The following DCDC1 variants were observed in gnomAD, a reference collection of about 807,000 sequenced individuals.
DCDC1 encodes doublecortin domain-containing protein 1.
A neutral mutation model predicts 178.3 loss-of-function variants in DCDC1; 200 were observed. The observed-to-expected ratio is 1.12, with a 90% CI of 1.00 to 1.26. The LOEUF is 1.26. DCDC1 is among the 50% of genes most tolerant of loss of function. DCDC1 has a pLI of 0.00. For synonymous variants in DCDC1, 690 were observed against 604.8 expected, an observed-to-expected ratio of 1.14 and a Z score of -2.07; for missense variants, 1,983 against 1,749.2, an observed-to-expected ratio of 1.13 and a Z score of -2.38.
At chr11:31,238,662 G>T (rs1046156898) in intron 9 of DCDC1, among the ~76,000 whole-genome samples, 5 of 152,052 alleles carry the variant, frequency 3.3e-5, no homozygotes, top group African/African-American at 9.7e-5. Flanking sequence ...CGGCCCTGTC[G>T]CTGAAAGTGT....
At chr11:31,158,547 G>A (rs1168897748) in intron 9 of DCDC1, among the ~76,000 whole-genome samples, 1 of 152,044 alleles carries the variant, frequency 6.6e-6, no homozygotes, top group African/African-American at 2.4e-5. Flanking sequence ...ACCAGCCACT[G>A]GCAACCATCA....
chr11:31,223,643 CAATAA>C (rs1476661775), intron 9 of DCDC1, among the ~76,000 whole-genome samples: 2 of 151,966 alleles, frequency 1.3e-5, no homozygotes, highest in Non-Finnish European at 2.9e-5. Context: ...TATGTTCATA[CAATAA>C]AATGAATAAA....
At chr11:31,132,756 C>G (rs999897099) in intron 10 of DCDC1, among the ~76,000 whole-genome samples, 6 of 152,102 alleles carry the variant, frequency 3.9e-5, no homozygotes, top group Admixed American at 2.6e-4. Flanking sequence ...AAAAAATGCA[C>G]CATCTCATTG....
intron 14 of DCDC1, 31 bp from the exon 15 acceptor site, chr11:31,102,313 AT>A: frequency 1.5e-6 from 1 of 647,676 alleles, no homozygotes; most frequent in Non-Finnish European, 2.9e-6. Flanking sequence ...AATTATTTTT[AT>A]TAGAATAATA....
At chr11:30,910,338 G>T (rs1469628650) in intron 28 of DCDC1, among the ~76,000 whole-genome samples, 1 of 152,060 alleles carries the variant, frequency 6.6e-6, no homozygotes, top group Admixed American at 6.5e-5. Flanking sequence ...ATCTCACTGT[G>T]GTCTGTGCTG....
At chr11:31,367,498 T>C (rs940562337) in intron 1 of DCDC1, among the ~76,000 whole-genome samples, 2 of 152,148 alleles carry the variant, frequency 1.3e-5, no homozygotes, top group Non-Finnish European at 2.9e-5. Flanking sequence ...ATGGAGATAA[T>C]AGGGGAGGTT....
rs138884515 is a variant in DCDC1, at chr11:30,939,382, C to T, written c.2716-7430G>A. On this transcript the variant is annotated intron_variant, in intron 21 of 38. Coordinates refer to ENST00000684477, the MANE Select transcript of DCDC1 (RefSeq NM_001387274.1). ...CCAGGTTGTGAGAAACACACTCACCCGTCCAAACCCAAAGAATGGACTTAG... is the reference window on the plus strand; with the variant it reads ...CCAGGTTGTGAGAAACACACTCACCTGTCCAAACCCAAAGAATGGACTTAG... Among the ~76,000 whole-genome samples the T allele has an allele frequency of 1.9e-3, 293 of 152,288 alleles. 3 individuals are homozygous for T. Among genetic ancestry groups the T allele is most frequent in the African/African-American group, 6.9e-3 (286 of 41,566 alleles).
chr11:31,347,293 C>CA (rs1950864203), intron 1 of DCDC1, among the ~76,000 whole-genome samples: 1 of 152,118 alleles, frequency 6.6e-6, no homozygotes, highest in Admixed American at 6.5e-5. Flanking sequence ...TTAAGACTGC[C>CA]ATAGAATCAC....
intron 8 of DCDC1, among the ~76,000 whole-genome samples, chr11:31,255,421 G>C (rs1944347061): frequency 6.6e-6 from 1 of 152,104 alleles, no homozygotes; most frequent in Admixed American, 6.5e-5. Context: ...CACAAGCAAT[G>C]TGTGAGGGTT....
intron 9 of DCDC1, among the ~76,000 whole-genome samples, chr11:31,213,231 C>G (rs1319433450): frequency 6.7e-6 from 1 of 148,462 alleles, no homozygotes; most frequent in African/African-American, 2.5e-5. Context: ...TCACTTCACC[C>G]CAGTCTGGTT....
At chr11:30,945,023 C>T (rs1477545850) in intron 21 of DCDC1, among the ~76,000 whole-genome samples, 1 of 121,520 alleles carries the variant, frequency 8.2e-6, no homozygotes, top group East Asian at 2.6e-4. Flanking sequence ...GGTTGGAGTG[C>T]AGTGGCACAA....
intron 34 of DCDC1, among the ~76,000 whole-genome samples, chr11:30,896,206 G>T (rs1041987084): frequency 6.6e-6 from 1 of 152,106 alleles, no homozygotes; most frequent in Non-Finnish European, 1.5e-5. Flanking sequence ...TGAACGAATT[G>T]TTTTTTATTT....
At chr11:31,045,910 T>C (rs1167445484) in intron 20 of DCDC1, among the ~76,000 whole-genome samples, 1 of 152,194 alleles carries the variant, frequency 6.6e-6, no homozygotes, top group Admixed American at 6.5e-5. Flanking sequence ...GCTTCTCCAG[T>C]GGTAATATCT....
At chr11:30,997,205 G>A (rs1951319683) in intron 20 of DCDC1, among the ~76,000 whole-genome samples, 2 of 152,298 alleles carry the variant, frequency 1.3e-5, no homozygotes, top group South Asian at 4.1e-4. Flanking sequence ...GATTACAAAG[G>A]CAACATGCAA....
At chr11:30,995,454 G>A (rs1050902700) in intron 20 of DCDC1, among the ~76,000 whole-genome samples, 1 of 152,078 alleles carries the variant, frequency 6.6e-6, no homozygotes, top group East Asian at 1.9e-4. Flanking sequence ...GAATTGCCAA[G>A]TAATTCTGAA....
chr11:31,067,918 C>T (rs1013543153), intron 18 of DCDC1, among the ~76,000 whole-genome samples: 6 of 151,760 alleles, frequency 4.0e-5, no homozygotes, highest in Non-Finnish European at 7.4e-5. Flanking sequence ...TTAGGGAGAA[C>T]GAAAATGTTT....
intron 9 of DCDC1, among the ~76,000 whole-genome samples, chr11:31,201,866 A>G (rs1443381020): frequency 6.6e-6 from 1 of 152,204 alleles, no homozygotes; most frequent in African/African-American, 2.4e-5. Flanking sequence ...CTCATTTTAA[A>G]TCCTTAAAAG....
At chr11:30,895,365 C>G (rs934048940) in intron 34 of DCDC1, among the ~76,000 whole-genome samples, 1 of 152,134 alleles carries the variant, frequency 6.6e-6, no homozygotes, top group African/African-American at 2.4e-5. Flanking sequence ...CAGCTCCTAA[C>G]AGGAGTTGCT....
intron 9 of DCDC1, among the ~76,000 whole-genome samples, chr11:31,194,367 G>A (rs1477756352): frequency 6.6e-6 from 1 of 151,928 alleles, no homozygotes; most frequent in East Asian, 1.9e-4. Flanking sequence ...GCTGTTACAT[G>A]GAGTTATTTT....
Sources: allele counts gnomAD v4.1 joint callset (sites outside exome capture counted in the v4.1 genomes callset), GRCh38; gene constraint gnomAD v4.1.1; transcripts MANE v1.5; gene names NCBI Gene and HGNC (gene_info 2026-07-23, HGNC 2026-07-21).